The following CXCL13 variants were observed in gnomAD, a reference collection of about 807,000 sequenced individuals.
CXCL13 encodes C-X-C motif chemokine ligand 13.
CXCL13 carries 7 observed loss-of-function variants against 12.2 expected under a neutral mutation model. That is an observed-to-expected ratio of 0.57 (90% confidence interval 0.33 to 1.07). CXCL13 has a LOEUF of 1.07. CXCL13 is among the 50% of genes least tolerant of loss of function. CXCL13 has a pLI of 0.04. For synonymous variants in CXCL13, 47 were observed against 42.4 expected (o/e 1.11, Z -0.42); for missense variants, 113 against 127.4 (o/e 0.89, Z 0.55).
intron 1 of CXCL13, among the ~76,000 whole-genome samples, chr4:77,576,174 G>C: frequency 6.6e-6 from 1 of 152,048 alleles, no homozygotes; most frequent in East Asian, 1.9e-4. Flanking sequence ...GACTCATGAA[G>C]AGCTGAAATG....
chr4:77,583,617 C>T (rs1032480561), intron 1 of CXCL13, among the ~76,000 whole-genome samples: 1 of 152,200 alleles, frequency 6.6e-6, no homozygotes, highest in Admixed American at 6.5e-5. Flanking sequence ...TCTCCTTTCC[C>T]TTGATCCCAG....
chr4:77,565,487 A>G (rs763692630), intron 1 of CXCL13, among the ~76,000 whole-genome samples: 46 of 152,228 alleles, frequency 3.0e-4, no homozygotes, highest in Non-Finnish European at 6.2e-4. Context: ...TCACTTAAGA[A>G]CAGTTTTTAA....
At chr4:77,554,964 C>T (rs1725627914) in intron 1 of CXCL13, among the ~76,000 whole-genome samples, 1 of 151,656 alleles carries the variant, frequency 6.6e-6, no homozygotes, top group Non-Finnish European at 1.5e-5. Flanking sequence ...TAAATGCTTA[C>T]ATTAGAAAGG....
At chr4:77,526,454 G>T (rs1258941328) in intron 1 of CXCL13, among the ~76,000 whole-genome samples, 1 of 151,576 alleles carries the variant, frequency 6.6e-6, no homozygotes, top group Non-Finnish European at 1.5e-5. Flanking sequence ...TCCCAGGGAG[G>T]GTGATAATAA....
At chr4:77,530,190 G>A (rs970853256) in intron 1 of CXCL13, among the ~76,000 whole-genome samples, 2 of 152,148 alleles carry the variant, frequency 1.3e-5, no homozygotes, top group African/African-American at 4.8e-5. Flanking sequence ...GTATTTTATT[G>A]AGGATTTTTG....
At chr4:77,557,908 T>C (rs1335549543) in intron 1 of CXCL13, among the ~76,000 whole-genome samples, 1 of 152,232 alleles carries the variant, frequency 6.6e-6, no homozygotes, top group East Asian at 1.9e-4. Context: ...ACCATCTACC[T>C]TGGCAACTCT....
intron 1 of CXCL13, among the ~76,000 whole-genome samples, chr4:77,559,934 A>AAC (rs1553916341): frequency 4.4e-4 from 67 of 151,504 alleles, no homozygotes; most frequent in African/African-American, 1.5e-3. Flanking sequence ...AAAAAAAAAA[A>AAC]AAAAAACCTG....
chr4:77,594,537 C>T (rs761200483), intron 1 of CXCL13, among the ~76,000 whole-genome samples: 9 of 151,200 alleles, frequency 6.0e-5, no homozygotes, highest in Non-Finnish European at 8.8e-5. Context: ...TCCCTCTGGC[C>T]ATAATAAAAC....
intron 1 of CXCL13, among the ~76,000 whole-genome samples, chr4:77,557,911 G>A (rs1199474387): frequency 6.6e-6 from 1 of 152,094 alleles, no homozygotes; most frequent in African/African-American, 2.4e-5. Context: ...ATCTACCTTG[G>A]CAACTCTGGT....
intron 1 of CXCL13, among the ~76,000 whole-genome samples, chr4:77,559,739 T>G (rs355681): frequency 0.31 from 46,368 of 151,500 alleles, 9,310 homozygotes; most frequent in African/African-American, 0.57. Context: ...TGGCTAACAT[T>G]GTGAAACCCC....
chr4:77,567,510 A>G (rs1725967825), intron 1 of CXCL13, among the ~76,000 whole-genome samples: 1 of 152,154 alleles, frequency 6.6e-6, no homozygotes, highest in Non-Finnish European at 1.5e-5. Context: ...TACGTGAGGA[A>G]CTCTGTTAAC....
chr4:77,601,114 G>C (rs963008869), upstream of CXCL13, among the ~76,000 whole-genome samples: 1 of 152,060 alleles, frequency 6.6e-6, no homozygotes, highest in South Asian at 2.1e-4. Context: ...AATAGCTTTC[G>C]GTACACACGT....
intron 1 of CXCL13, among the ~76,000 whole-genome samples, chr4:77,531,422 A>C (rs926033724): frequency 5.3e-5 from 8 of 150,982 alleles, no homozygotes; most frequent in Non-Finnish European, 1.0e-4. Context: ...AGTTTGTTAT[A>C]ATTTCTGTTC....
chr4:77,540,024 C>T (rs1440915344), intron 1 of CXCL13, among the ~76,000 whole-genome samples: 1 of 152,062 alleles, frequency 6.6e-6, no homozygotes, highest in Non-Finnish European at 1.5e-5. Flanking sequence ...TTGTATCAAT[C>T]TTGATGAAGG....
At chr4:77,518,680 C>G (rs1228890389) in intron 1 of CXCL13, among the ~76,000 whole-genome samples, 1 of 152,140 alleles carries the variant, frequency 6.6e-6, no homozygotes, top group Non-Finnish European at 1.5e-5. Context: ...ATTGGTTATT[C>G]TAGTTATACA....
At chr4:77,531,693 A>G (rs1724922725) in intron 1 of CXCL13, among the ~76,000 whole-genome samples, 1 of 152,102 alleles carries the variant, frequency 6.6e-6, no homozygotes, top group Non-Finnish European at 1.5e-5. Context: ...GTCTCTTTCT[A>G]GGTCTCTAAG....
At chr4:77,593,125 A>G (rs549554686) in intron 1 of CXCL13, among the ~76,000 whole-genome samples, 13 of 152,136 alleles carry the variant, frequency 8.5e-5, no homozygotes, top group African/African-American at 3.1e-4. Context: ...TTTTTCCCTC[A>G]TCGATTCTTC....
intron 1 of CXCL13, among the ~76,000 whole-genome samples, chr4:77,523,812 G>A (rs1220854906): frequency 6.6e-6 from 1 of 152,204 alleles, no homozygotes. Flanking sequence ...AGAATTTTCA[G>A]CTTTTCTGCT....
At chr4:77,517,724 C>T (rs189963185) in intron 1 of CXCL13, among the ~76,000 whole-genome samples, 2,059 of 152,130 alleles carry the variant, frequency 0.014, 52 homozygotes, top group African/African-American at 0.046. Context: ...ATGGGTTTCC[C>T]GAATACAACA....
Sources: allele counts gnomAD v4.1 joint callset (sites outside exome capture counted in the v4.1 genomes callset), GRCh38; gene constraint gnomAD v4.1.1; transcripts MANE v1.5; gene names NCBI Gene and HGNC (gene_info 2026-07-23, HGNC 2026-07-21).